FXN: variants seen among roughly 807,000 people sequenced by gnomAD.
FXN encodes the protein frataxin, also known as frataxin, mitochondrial.
In FXN, 14 loss-of-function variants were observed where a neutral mutation model predicts 22.4. The ratio of observed to expected loss-of-function variants is 0.62; its 90% CI spans 0.41 to 0.98. FXN has a LOEUF of 0.98. Among genes scored for constraint, FXN ranks in the 50% least tolerant of loss-of-function variants. FXN has a pLI of 0.00. For missense variants in FXN, 267 were observed against 268.4 expected (o/e 0.99, Z 0.04); for synonymous variants, 120 against 114.1 (o/e 1.05, Z -0.33).
Position 69,064,999 on chromosome 9 carries a change from C to T in FXN, c.446C>T (p.Thr149Met), listed in dbSNP as rs551991546. The change falls in exon 4 of 5, where the codon ACG (threonine) becomes ATG (methionine). Residue 149 changes from threonine to methionine, a missense_variant. Transcript: ENST00000484259. Reference sequence around the variant, plus strand: ...GGAACCTATGTGATCAACAAGCAGACGCCAAACAAGCAAATCTGGCTATCT... The same window carrying T: ...GGAACCTATGTGATCAACAAGCAGATGCCAAACAAGCAAATCTGGCTATCT... ...DLGTYVINKQ[T>M]PNKQIWLSSP... The T allele has an allele frequency of 1.8e-5, 29 of 1,613,980 alleles. No individual in the cohort carries two copies. The highest frequency in any genetic ancestry group is 8.0e-5 in the African/African-American group (6 of 74,992).
At chr9:69,053,003 A>G (rs970533112) in intron 2 of FXN, 137 bp from the exon 3 acceptor site, 13 of 1,029,054 alleles carry the variant, frequency 1.3e-5, no homozygotes, top group East Asian at 6.6e-5. Context: ...AAAAAAAAAA[A>G]AAAGAAAGAA....
Position 69,074,537 on chromosome 9 carries a change from G to C in FXN, c.*1775G>C, listed in dbSNP as rs1832333539. The stretch of plus-strand genomic sequence containing the variant: ...TCCGTCTCAAAAAAAAAAAAAAGGA[G>C]GGTTTATTAATGAGAAGTTTGTATT... On this transcript the variant is annotated 3_prime_UTR_variant, in exon 5 of 5. Transcript: ENST00000484259. 1 of 984,504 alleles carries C rather than the reference G, an allele frequency of 1.0e-6. No individual in the cohort carries two copies. The allele number at this position is 984,504 out of a possible 1,614,324, so 61.0% of individuals were successfully genotyped here. A position where few individuals can be genotyped will look rare whatever the true frequency, so the allele number is the denominator to read the frequency against.
At position 69,075,126 on chromosome 9, in the gene FXN, T is replaced by C; in HGVS notation, c.*2364T>C. ...TTACATATAGCTCTAATTGGTTTGA[T>C]TATCTCGTTCCCAAGGCAGTGGGAG... On this transcript the variant is annotated 3_prime_UTR_variant, in exon 5 of 5. Coordinates refer to ENST00000484259, the MANE Select transcript of FXN (RefSeq NM_000144.5). 1.0e-6 allele frequency: 1 copy of C among 985,416 alleles called. No homozygotes were observed. The highest frequency in any genetic ancestry group is 1.2e-6 in the Non-Finnish European group (1 of 829,940). 61.0% of individuals were successfully genotyped at this position (985,416 alleles called of 1,614,324 possible).
chr9:69,063,722 C>T (rs1189891083), intron 3 of FXN, among the ~76,000 whole-genome samples: 3 of 148,736 alleles, frequency 2.0e-5, no homozygotes, highest in Non-Finnish European at 3.0e-5. Context: ...GGATCTCTGT[C>T]GCCCAGTCTG....
chr9:69,065,310 G>T (rs879786964), intron 4 of FXN, among the ~76,000 whole-genome samples: 1 of 152,162 alleles, frequency 6.6e-6, no homozygotes, highest in Non-Finnish European at 1.5e-5. Context: ...GGAGGCCAAG[G>T]CCTGTGGATC....
At position 69,047,330 on chromosome 9, in the gene FXN, G is replaced by GACACAGACACACAC. The variant is rs1299549838; in HGVS notation, c.263+868_263+881dup. On this transcript the variant is annotated intron_variant, in intron 2 of 4. Coordinates refer to ENST00000484259, the MANE Select transcript of FXN (RefSeq NM_000144.5). ...AATGGCTTCTTCTGATCTACACACA[G>GACACAGACACACAC]ACACAGACACACACACACAGACACA... is the stretch of plus-strand genomic sequence containing the variant. Among the ~76,000 whole-genome samples, 13 of 147,812 alleles carry GACACAGACACACAC rather than the reference G, an allele frequency of 8.8e-5. No homozygotes were observed. In the East Asian group the frequency reaches 2.2e-3, roughly 25 times the overall value.
chr9:69,065,556 G>GT (rs1587828463), intron 4 of FXN, among the ~76,000 whole-genome samples: 2 of 78,988 alleles, frequency 2.5e-5, no homozygotes, highest in East Asian at 8.0e-4. Context: ...AAAAAAAAAA[G>GT]TCATCGTCTT....
chr9:69,046,127 G>A (rs1831747690), intron 1 of FXN, among the ~76,000 whole-genome samples: 1 of 152,142 alleles, frequency 6.6e-6, no homozygotes, highest in Non-Finnish European at 1.5e-5. Flanking sequence ...TGCCCTGAAG[G>A]GAATGTATGG....
chr9:69,036,197 C>T (rs1831549087), intron 1 of FXN: 2 of 262,174 alleles, frequency 7.6e-6, no homozygotes, highest in African/African-American at 2.2e-5. Context: ...GGTGCGACTG[C>T]GGGTCAAGGC....
intron 1 of FXN, among the ~76,000 whole-genome samples, chr9:69,040,908 C>G (rs1309844755): frequency 6.6e-6 from 1 of 152,122 alleles, no homozygotes; most frequent in African/African-American, 2.4e-5. Context: ...ATCTATGAAC[C>G]AGGAAACTGG....
chr9:69,064,674 A>C (rs1033287754), intron 3 of FXN, among the ~76,000 whole-genome samples: 3 of 152,184 alleles, frequency 2.0e-5, no homozygotes, highest in Non-Finnish European at 4.4e-5. Flanking sequence ...CTTCACCACC[A>C]TTCTCACCTT....
At chr9:69,064,224 CTT>C (rs1259625979) in intron 3 of FXN, among the ~76,000 whole-genome samples, 4 of 152,190 alleles carry the variant, frequency 2.6e-5, no homozygotes, top group East Asian at 1.9e-4. Context: ...GTAAAGGACT[CTT>C]TTGTTGAAAG....
intron 2 of FXN, among the ~76,000 whole-genome samples, chr9:69,051,539 A>C (rs1831850428): frequency 6.6e-6 from 1 of 152,206 alleles, no homozygotes. Flanking sequence ...AATTCTAATT[A>C]GATTGGCATA....
chr9:69,071,994 CA>C (rs1412255019), intron 4 of FXN, among the ~76,000 whole-genome samples: 1 of 152,172 alleles, frequency 6.6e-6, no homozygotes, highest in African/African-American at 2.4e-5. Flanking sequence ...AGGTTAGATG[CA>C]TGTATCGTAC....
At chr9:69,059,568 T>C (rs943904040) in intron 3 of FXN, among the ~76,000 whole-genome samples, 1 of 672 alleles carries the variant, frequency 1.5e-3, no homozygotes, top group African/African-American at 1.7e-3. Context: ...TCCAGCTAAT[T>C]TTTTTTTTTG....
At position 69,075,963 on chromosome 9, in the gene FXN, C is replaced by T; in HGVS notation, c.*3201C>T. On this transcript the variant is annotated 3_prime_UTR_variant, in exon 5 of 5. Transcript: ENST00000484259. ...CAAGTGATCCACCTGCCTCGTCCTC[C>T]CAAGATGCTGGGATTACAGGTGTGT... 4 of 948,134 alleles carry T rather than the reference C, an allele frequency of 4.2e-6. No individual in the cohort carries two copies. 58.7% of individuals were successfully genotyped at this position (948,134 alleles called of 1,614,324 possible).
chr9:69,069,521 C>T (rs1177854782), intron 4 of FXN, among the ~76,000 whole-genome samples: 4 of 152,180 alleles, frequency 2.6e-5, no homozygotes, highest in Admixed American at 6.5e-5. Context: ...ACACTCACCC[C>T]GCTGAATGTC....
intron 2 of FXN, among the ~76,000 whole-genome samples, chr9:69,050,232 A>G (rs989230093): frequency 3.9e-5 from 6 of 152,178 alleles, no homozygotes; most frequent in Admixed American, 1.3e-4. Context: ...AGACAATTCT[A>G]TTTTGCAGCG....
chr9:69,067,373 G>T (rs1832187180), intron 4 of FXN, among the ~76,000 whole-genome samples: 1 of 152,278 alleles, frequency 6.6e-6, no homozygotes. Context: ...TCCGCGGGAA[G>T]ATCCCGCAGT....
Sources: gnomAD v4.1 joint callset for allele counts (sites outside exome capture counted in the v4.1 genomes callset) on GRCh38, gnomAD v4.1.1 for gene constraint, MANE v1.5 for transcripts, NCBI Gene and HGNC (gene_info 2026-07-23, HGNC 2026-07-21) for gene names.